MYH14: variants seen among roughly 807,000 people sequenced by gnomAD.
MYH14 encodes the protein myosin-14.
A neutral mutation model predicts 255.5 loss-of-function variants in MYH14; 123 were observed. The ratio of observed to expected loss-of-function variants is 0.48; its 90% CI spans 0.42 to 0.56. MYH14 has a LOEUF of 0.56. Among genes scored for constraint, MYH14 ranks in the 20% least tolerant of loss-of-function variants. The probability of loss-of-function intolerance (pLI) is 0.00; values close to 1 mark genes in which losing one functional copy is unlikely to be tolerated. For missense variants in MYH14, 2,423 were observed against 2,802.3 expected, an observed-to-expected ratio of 0.86 and a Z score of 3.06; for synonymous variants, 1,095 against 1,161.2, an observed-to-expected ratio of 0.94 and a Z score of 1.16.
At chr19:50,239,279 G>T (rs900039079) in intron 10 of MYH14, among the ~76,000 whole-genome samples, 2 of 152,064 alleles carry the variant, frequency 1.3e-5, no homozygotes, top group Non-Finnish European at 2.9e-5. Context: ...TCGGCCTCCC[G>T]AAGTGCTGCG....
intron 36 of MYH14, 93 bp from the exon 37 acceptor site, chr19:50,292,168 G>T: frequency 7.6e-7 from 1 of 1,317,682 alleles, no homozygotes; most frequent in Non-Finnish European, 1.0e-6. Flanking sequence ...GTTCACGGGA[G>T]CTGAGGAGCC....
At position 50,272,622 on chromosome 19, in the gene MYH14, G is replaced by A; in HGVS notation, c.3358G>A (p.Gly1120Arg). Residue 1120 changes from glycine to arginine, a missense_variant, in exon 27 of 43, where the codon GGG becomes AGG. Gly to Arg is a moderately radical substitution (Grantham distance 125). Coordinates refer to ENST00000642316, the MANE Select transcript of MYH14 (RefSeq NM_001145809.2). The stretch of plus-strand genomic sequence containing the variant: ...GGAGAAGCTGAAGCGGAGGCTGGAT[G>A]GGGAGAGCTCAGAGCTGCAGGAGCA... ...ELEKLKRRLD[G>R]ESSELQEQMV... 2.5e-6 allele frequency: 4 copies of A among 1,578,982 alleles called. No individual in the cohort carries two copies. Among genetic ancestry groups the A allele is most frequent in the Non-Finnish European group, 3.4e-6 (4 of 1,163,480 alleles).
At chr19:50,227,011 C>T (rs1234765164) in intron 8 of MYH14, 45 bp downstream of exon 8, 1 of 1,576,412 alleles carries the variant, frequency 6.3e-7, no homozygotes, top group Non-Finnish European at 8.7e-7. Context: ...GGGGGGCAGC[C>T]TTTCAGACAG....
At chr19:50,306,136 G>C (rs1484583474) in intron 40 of MYH14, among the ~76,000 whole-genome samples, 1 of 152,170 alleles carries the variant, frequency 6.6e-6, no homozygotes, top group Non-Finnish European at 1.5e-5. Flanking sequence ...AAATTAGCCA[G>C]GTGTGGTGGC....
chr19:50,214,003 G>A (rs944504702), intron 2 of MYH14, among the ~76,000 whole-genome samples: 1 of 151,904 alleles, frequency 6.6e-6, no homozygotes, highest in East Asian at 1.9e-4. Flanking sequence ...TTTTTAATTT[G>A]TTGTAGAGAC....
intron 15 of MYH14, among the ~76,000 whole-genome samples, chr19:50,251,975 C>T (rs2034419381): frequency 6.6e-6 from 1 of 152,176 alleles, no homozygotes; most frequent in Non-Finnish European, 1.5e-5. Flanking sequence ...GTGGACCAGG[C>T]AGCCCCAGAG....
Position 50,231,807 on chromosome 19 carries a change from T to C in MYH14, c.974-123T>C, listed in dbSNP as rs183977952. On this transcript the variant is annotated intron_variant, in intron 9 of 42. Transcript: ENST00000642316. ...CGACCCTTCCCACCACACTTGTGAG[T>C]AAAGGCCCCCACCCACTTGACAGTG... 3.3e-5 allele frequency: 45 copies of C among 1,365,914 alleles called. No homozygotes were observed. The East Asian group carries it at 7.5e-4, about 23-fold the overall frequency. The allele number at this position is 1,365,914 out of a possible 1,614,324, so 84.6% of individuals were successfully genotyped here.
chr19:50,255,080 G>A, intron 16 of MYH14, 140 bp from the exon 17 acceptor site: 3 of 653,112 alleles, frequency 4.6e-6, no homozygotes, highest in Non-Finnish European at 2.8e-6. Flanking sequence ...ATCTTGCTTT[G>A]CTCTGTACTG....
chr19:50,229,905 G>A (rs1181268520), intron 8 of MYH14, among the ~76,000 whole-genome samples: 1 of 152,030 alleles, frequency 6.6e-6, no homozygotes, highest in South Asian at 2.1e-4. Context: ...CTCATCCAGG[G>A]TCGATGAGGT....
chr19:50,263,794 C>T (rs984973710), intron 22 of MYH14, among the ~76,000 whole-genome samples: 2 of 152,074 alleles, frequency 1.3e-5, no homozygotes, highest in African/African-American at 4.8e-5. Context: ...CTGTGGCTCA[C>T]ACCTGTAATC....
rs145709523 is a variant in MYH14 at position 50,250,116 on chromosome 19, CTT to C, written c.1656+294_1656+295del. The stretch of plus-strand genomic sequence containing the variant: ...TTGTTTTGTTTTGTTTTGTTTTTTT[CTT>C]GAGACGGAGTCTCGCTCTATCGCCC... On this transcript the variant is annotated intron_variant, in intron 14 of 42. Transcript: ENST00000642316. The surrounding 1 kb of genome is among the most constrained non-coding windows in gnomAD (Gnocchi z 5.4). Among the ~76,000 whole-genome samples, 2,120 of 152,002 alleles carry C rather than the reference CTT, an allele frequency of 0.014. 46 individuals are homozygous for C. Among genetic ancestry groups the C allele is most frequent in the African/African-American group, 0.047 (1,945 of 41,412 alleles).
intron 2 of MYH14, among the ~76,000 whole-genome samples, chr19:50,216,197 G>A (rs765297122): frequency 2.0e-5 from 3 of 152,124 alleles, no homozygotes; most frequent in African/African-American, 4.8e-5. Flanking sequence ...TCCTGAGGCC[G>A]GGTGTGAAGG....
intron 16 of MYH14, among the ~76,000 whole-genome samples, chr19:50,253,757 C>T (rs1378869151): frequency 6.6e-6 from 1 of 152,014 alleles, no homozygotes; most frequent in Admixed American, 6.6e-5. Context: ...ACTGCCCCTG[C>T]CCCCCCATCC....
intron 10 of MYH14, 141 bp downstream of exon 10, chr19:50,232,211 G>T (rs1166120131): frequency 1.9e-6 from 2 of 1,033,744 alleles, no homozygotes; most frequent in Non-Finnish European, 2.8e-6. Context: ...AGCAGGGAAT[G>T]AGGCTCACAG....
At chr19:50,261,948 G>C (rs188091453) in intron 21 of MYH14, among the ~76,000 whole-genome samples, 1 of 152,154 alleles carries the variant, frequency 6.6e-6, no homozygotes, top group Non-Finnish European at 1.5e-5. Context: ...GAGAAAGCCC[G>C]GGGCAACCCA....
chr19:50,293,607 G>C lies in MYH14; in HGVS notation c.5389G>C (p.Gly1797Arg). 6.2e-7 allele frequency: 1 copy of C among 1,613,074 alleles called. No homozygotes were observed. The highest frequency in any genetic ancestry group is 8.5e-7 in the Non-Finnish European group (1 of 1,179,526). Residue 1797 changes from glycine (G) to arginine (R), a missense_variant, in exon 39 of 43, where the codon GGG (glycine) becomes CGG (arginine). Coordinates refer to ENST00000642316, the MANE Select transcript of MYH14 (RefSeq NM_001145809.2). This position sits in a 1 kb window ranked among gnomAD's most constrained non-coding sequence, Gnocchi z 4.1. The stretch of plus-strand genomic sequence containing the variant: ...GAAGCGTCAGCTGGAGGGGCGCCTG[G>C]GGCAGTTGGAGGAAGAGCTGGAGGA... ...EEKRQLEGRLGQLEEELEEEQ... is the reference protein window; with the variant it reads ...EEKRQLEGRLRQLEEELEEEQ...
rs761665508 is a variant in MYH14, at chr19:50,292,289, T to TGGAGGAGACACGCACCTCCCG, written c.5165_5185dup (p.Thr1722_Glu1728dup). On this transcript the variant is annotated inframe_insertion, in exon 37 of 43. Transcript: ENST00000642316. ...CAGATGAAGGAGCTATGGCGGGAGG[T>TGGAGGAGACACGCACCTCCCG]GGAGGAGACACGCACCTCCCGGGAG... The TGGAGGAGACACGCACCTCCCG allele has an allele frequency of 6.3e-7, 1 of 1,586,750 alleles. No individual in the cohort carries two copies. The highest frequency in any genetic ancestry group is 1.8e-5 in the Admixed American group (1 of 56,572).
At position 50,271,922 on chromosome 19, in the gene MYH14, G is replaced by C; in HGVS notation, c.3245G>C (p.Ser1082Thr). 6.2e-7 allele frequency: 1 copy of C among 1,612,512 alleles called. No homozygotes were observed. Among genetic ancestry groups the C allele is most frequent in the South Asian group, 1.1e-5 (1 of 90,550 alleles). The change falls in exon 26 of 43, where the codon AGC becomes ACC. Residue 1082 changes from serine to threonine, a missense_variant. Physicochemically the swap from Ser to Thr is moderately conservative, Grantham distance 58. Around this residue, in one of 3 missense-constraint regions of MYH14, gnomAD observed 1,513 missense variants for 1,674.8 expected, o/e 0.90. Transcript: ENST00000642316. ...QAAEEEEKVK[S>T]LNKLRLKYEA... Reference sequence around the variant, plus strand: ...GCTGAGGAGGAGGAGAAGGTCAAGAGCCTCAATAAGCTACGGCTCAAATAT... The same window carrying C: ...GCTGAGGAGGAGGAGAAGGTCAAGACCCTCAATAAGCTACGGCTCAAATAT...
rs764240575 is a variant in MYH14 at position 50,310,287 on chromosome 19, C to T, written c.*497C>T. 10 of 184,496 alleles carry T rather than the reference C, an allele frequency of 5.4e-5. No homozygotes were observed. The highest frequency in any genetic ancestry group is 1.0e-4 in the Non-Finnish European group (9 of 89,932). The allele number at this position is 184,496 out of a possible 1,614,324, so 11.4% of individuals were successfully genotyped here. On this transcript the variant is annotated 3_prime_UTR_variant, in exon 43 of 43. Transcript: ENST00000642316. The stretch of plus-strand genomic sequence containing the variant: ...TTAGGAATCTCGCTCTCACTCTCTA[C>T]GTAGCCACTCTCCTTCCCCCATTTC...
Sources: allele counts gnomAD v4.1 joint callset (sites outside exome capture counted in the v4.1 genomes callset), GRCh38; gene constraint gnomAD v4.1.1; regional missense constraint gnomAD v4.1.1; non-coding constraint Gnocchi (gnomAD v3.1); transcripts MANE v1.5; gene names NCBI Gene and HGNC (gene_info 2026-07-23, HGNC 2026-07-21).